The following CNTNAP4 variants were observed in gnomAD, a reference collection of about 807,000 sequenced individuals.
CNTNAP4 encodes the protein contactin-associated protein-like 4.
In CNTNAP4, 98 loss-of-function variants were observed where a neutral mutation model predicts 148.4. That is an observed-to-expected ratio of 0.66 (90% CI 0.56 to 0.78). CNTNAP4 has a LOEUF of 0.78. Among genes scored for constraint, CNTNAP4 ranks in the 30% least tolerant of loss-of-function variants. The pLI is 0.00. For synonymous variants in CNTNAP4, 730 were observed against 565.1 expected, an observed-to-expected ratio of 1.29 and a Z score of -4.14; for missense variants, 1,935 against 1,565.6, an observed-to-expected ratio of 1.24 and a Z score of -3.98.
intron 1 of CNTNAP4, among the ~76,000 whole-genome samples, chr16:76,312,980 GGTGTAT>G (rs1488436863): frequency 6.6e-6 from 1 of 152,096 alleles, no homozygotes; most frequent in East Asian, 1.9e-4. Context: ...TGTAGGGGCA[GGTGTAT>G]GCCCATGGTA....
intron 2 of CNTNAP4, among the ~76,000 whole-genome samples, chr16:76,317,174 T>C (rs917678562): frequency 4.1e-5 from 6 of 147,520 alleles, no homozygotes; most frequent in Admixed American, 2.1e-4. Flanking sequence ...GGAGTATCAC[T>C]GAACTCAGAA....
chr16:76,359,377 C>G (rs1165512923), intron 3 of CNTNAP4, among the ~76,000 whole-genome samples: 1 of 152,070 alleles, frequency 6.6e-6, no homozygotes, highest in Non-Finnish European at 1.5e-5. Flanking sequence ...GGTTTAGGAA[C>G]AAAAGCAATA....
At chr16:76,288,411 A>G (rs1161759312) in intron 1 of CNTNAP4, among the ~76,000 whole-genome samples, 1 of 151,684 alleles carries the variant, frequency 6.6e-6, no homozygotes, top group Non-Finnish European at 1.5e-5. Context: ...TGTGTCCTCT[A>G]CTCTTCATTT....
intron 3 of CNTNAP4, 126 bp downstream of exon 3, chr16:76,355,637 C>G: frequency 3.3e-6 from 2 of 612,146 alleles, no homozygotes; most frequent in Non-Finnish European, 5.1e-6. Context: ...AAACATTTTC[C>G]AAGAGAAAAT....
chr16:76,458,665 T>C (rs78954717), intron 8 of CNTNAP4, among the ~76,000 whole-genome samples: 7,635 of 152,240 alleles, frequency 0.05, 414 homozygotes, highest in African/African-American at 0.14. Flanking sequence ...CAGGTGGTAA[T>C]GCAAGTGATA....
chr16:76,313,110 T>A (rs1961318397), intron 1 of CNTNAP4, among the ~76,000 whole-genome samples: 1 of 152,112 alleles, frequency 6.6e-6, no homozygotes, highest in African/African-American at 2.4e-5. Context: ...TCCCCACGAA[T>A]GTAAAAAGTT....
chr16:76,400,324 C>A lies in CNTNAP4; in HGVS notation c.391-27128C>A, dbSNP rs140489317. Among the ~76,000 whole-genome samples, 237 of 152,256 alleles carry A rather than the reference C, an allele frequency of 1.6e-3. 1 individual carries two copies. Among genetic ancestry groups the A allele is most frequent in the African/African-American group, 5.5e-3 (228 of 41,536 alleles). ...TTTTTGTGGTGGGAACATTTAAAATCCACTCATTTAGCAAATTTGAAATAT... is the reference window on the plus strand; with the variant it reads ...TTTTTGTGGTGGGAACATTTAAAATACACTCATTTAGCAAATTTGAAATAT... On this transcript the variant is annotated intron_variant, in intron 3 of 23. Transcript: ENST00000611870.
At chr16:76,410,092 C>A (rs1022895704) in intron 3 of CNTNAP4, among the ~76,000 whole-genome samples, 2 of 140,422 alleles carry the variant, frequency 1.4e-5, no homozygotes, top group Non-Finnish European at 3.2e-5. Flanking sequence ...TTTTAAGAGC[C>A]AGGATTGTCT....
At chr16:76,445,650 T>G (rs2080211314) in intron 4 of CNTNAP4, among the ~76,000 whole-genome samples, 1 of 152,154 alleles carries the variant, frequency 6.6e-6, no homozygotes, top group Admixed American at 6.5e-5. Context: ...CCACAGAAGA[T>G]ACATATCATC....
rs576631001 is a variant in CNTNAP4, at chr16:76,457,609, C to T, written c.1334-4347C>T. ...ATGCCTAACCAATGACTGCCCAGAGCCCTGCTACTCAAAGTATGGGTCCTG... is the reference window on the plus strand; with the variant it reads ...ATGCCTAACCAATGACTGCCCAGAGTCCTGCTACTCAAAGTATGGGTCCTG... On this transcript the variant is annotated intron_variant, in intron 8 of 23. Transcript: ENST00000611870. Among the ~76,000 whole-genome samples, 3 of 152,198 alleles carry T rather than the reference C, an allele frequency of 2.0e-5. No individual in the cohort carries two copies. The East Asian group carries it at 5.8e-4, about 30-fold the overall frequency.
intron 2 of CNTNAP4, among the ~76,000 whole-genome samples, chr16:76,342,661 G>C (rs1390279344): frequency 6.6e-6 from 1 of 151,622 alleles, no homozygotes; most frequent in Non-Finnish European, 1.5e-5. Context: ...TTTAGTACTG[G>C]CGGGGTTTCA....
chr16:76,448,788 C>T lies in CNTNAP4; in HGVS notation c.764C>T (p.Thr255Ile). ...TAAGGTGAAGCTAAACTGCCTTCCA[C>T]TTCCACCCTGGTCAATCTCACCCTG... ...INSGEAKLPS[T>I]STLVNLTLGS... The change falls in exon 6 of 24, where the codon ACT becomes ATT. Residue 255 changes from threonine (T) to isoleucine (I), a missense_variant. Coordinates refer to ENST00000611870, the MANE Select transcript of CNTNAP4 (RefSeq NM_033401.5). The T allele has an allele frequency of 6.2e-7, 1 of 1,609,968 alleles. No individual in the cohort carries two copies. The highest frequency in any genetic ancestry group is 8.5e-7 in the Non-Finnish European group (1 of 1,178,220).
chr16:76,431,476 C>T (rs928748104), intron 4 of CNTNAP4, among the ~76,000 whole-genome samples: 1 of 152,000 alleles, frequency 6.6e-6, no homozygotes, highest in Admixed American at 6.6e-5. Context: ...GTCAGGAGTT[C>T]GAGACCAGCC....
At chr16:76,310,527 A>G (rs1474030850) in intron 1 of CNTNAP4, among the ~76,000 whole-genome samples, 3 of 152,184 alleles carry the variant, frequency 2.0e-5, no homozygotes, top group Non-Finnish European at 2.9e-5. Flanking sequence ...ATAGGTCTAA[A>G]TAAACTATTT....
chr16:76,480,091 T>C (rs2081762446), intron 12 of CNTNAP4, among the ~76,000 whole-genome samples: 2 of 152,014 alleles, frequency 1.3e-5, no homozygotes, highest in South Asian at 4.1e-4. Flanking sequence ...TTAATACCAT[T>C]CTCGTCACCA....
chr16:76,495,130 T>C (rs1189465192), intron 14 of CNTNAP4, 64 bp downstream of exon 14: 2 of 1,541,532 alleles, frequency 1.3e-6, no homozygotes, highest in African/African-American at 2.7e-5. Flanking sequence ...TCACTCAAAG[T>C]ATGTATAGCT....
At chr16:76,422,706 A>G (rs561491475) in intron 3 of CNTNAP4, among the ~76,000 whole-genome samples, 4 of 150,974 alleles carry the variant, frequency 2.6e-5, no homozygotes, top group Non-Finnish European at 5.9e-5. Flanking sequence ...CATAACCTCT[A>G]TAATTTTCAT....
intron 3 of CNTNAP4, among the ~76,000 whole-genome samples, chr16:76,357,028 GA>G (rs60415580): frequency 4.3e-4 from 61 of 141,194 alleles, no homozygotes; most frequent in Non-Finnish European, 8.5e-4. Context: ...GCTGTAAGAG[GA>G]AAAAAAAACA....
At chr16:76,314,180 C>T (rs1031437484) in intron 1 of CNTNAP4, among the ~76,000 whole-genome samples, 2 of 152,118 alleles carry the variant, frequency 1.3e-5, no homozygotes, top group Non-Finnish European at 2.9e-5. Flanking sequence ...AATGTATGTG[C>T]ATGTGTAATA....
Sources: gnomAD v4.1 joint callset for allele counts (sites outside exome capture counted in the v4.1 genomes callset) on GRCh38, gnomAD v4.1.1 for gene constraint, MANE v1.5 for transcripts, NCBI Gene and HGNC (gene_info 2026-07-23, HGNC 2026-07-21) for gene names.